GALNT18: variants seen among roughly 807,000 people sequenced by gnomAD.
GALNT18 encodes GalNAc-transferase 18.
A neutral mutation model predicts 69.5 loss-of-function variants in GALNT18; 44 were observed. The ratio of observed to expected loss-of-function variants is 0.63; its 90% CI spans 0.50 to 0.81. The LOEUF (loss-of-function observed/expected upper bound fraction) is 0.81. GALNT18 is among the 40% of genes least tolerant of loss of function. The pLI is 0.00. For synonymous variants in GALNT18, 364 were observed against 318.2 expected (o/e 1.14, Z -1.53); for missense variants, 715 against 810.0 (o/e 0.88, Z 1.42).
chr11:11,391,210 C>T (rs1271542467), intron 3 of GALNT18, among the ~76,000 whole-genome samples: 2 of 152,240 alleles, frequency 1.3e-5, no homozygotes, highest in East Asian at 3.8e-4. Flanking sequence ...ATTTCCAACC[C>T]CTTCCCATCT....
rs150320364 is a variant in GALNT18 at position 11,608,640 on chromosome 11, C to A, written c.235+12719G>T. On this transcript the variant is annotated intron_variant, in intron 1 of 10. Transcript: ENST00000227756. ...CCTCCCAAAGTACTGGGATTACAGG[C>A]GTGAGCCACAGCACCTGGCCGATTG... Among the ~76,000 whole-genome samples, 4 of 152,252 alleles carry A rather than the reference C, an allele frequency of 2.6e-5. No individual in the cohort carries two copies. In the East Asian group the frequency reaches 7.7e-4, roughly 29 times the overall value.
chr11:11,581,649 C>T (rs1379520503), intron 1 of GALNT18, among the ~76,000 whole-genome samples: 1 of 152,044 alleles, frequency 6.6e-6, no homozygotes, highest in Non-Finnish European at 1.5e-5. Context: ...CAGGGGCTGC[C>T]GAGTGGGCAC....
intron 1 of GALNT18, among the ~76,000 whole-genome samples, chr11:11,545,325 A>C (rs975415088): frequency 6.6e-6 from 1 of 152,252 alleles, no homozygotes; most frequent in African/African-American, 2.4e-5. Context: ...GCCTAAACAG[A>C]AGAAAAAAAT....
At chr11:11,515,917 C>T (rs1857263707) in intron 1 of GALNT18, among the ~76,000 whole-genome samples, 1 of 152,198 alleles carries the variant, frequency 6.6e-6, no homozygotes, top group African/African-American at 2.4e-5. Flanking sequence ...AGAGAGGCAA[C>T]TCAGCAAGGA....
At position 11,444,348 on chromosome 11, in the gene GALNT18, C is replaced by A. The variant is rs1415461372; in HGVS notation, c.428+4396G>T. Among the ~76,000 whole-genome samples the A allele has an allele frequency of 6.6e-6, 1 of 152,232 alleles. No homozygotes were observed. Among genetic ancestry groups the A allele is most frequent in the African/African-American group, 2.4e-5 (1 of 41,464 alleles). On this transcript the variant is annotated intron_variant, in intron 2 of 10. Transcript: ENST00000227756. The surrounding 1 kb of genome is among the most constrained non-coding windows in gnomAD (Gnocchi z 4.4). Reference sequence around the variant, plus strand: ...CTGCCTTACTAAAAGCCTGCGAGGACAAGTCCTCCCCGCCACGGAGCCTGG... The same window carrying A: ...CTGCCTTACTAAAAGCCTGCGAGGAAAAGTCCTCCCCGCCACGGAGCCTGG...
chr11:11,535,630 T>C (rs543905499), intron 1 of GALNT18, among the ~76,000 whole-genome samples: 1 of 152,276 alleles, frequency 6.6e-6, no homozygotes, highest in African/African-American at 2.4e-5. Flanking sequence ...CAGGCTGGGC[T>C]CAGATGCCGT....
At chr11:11,355,293 G>A (rs1358374117) in intron 6 of GALNT18, among the ~76,000 whole-genome samples, 1 of 152,160 alleles carries the variant, frequency 6.6e-6, no homozygotes, top group African/African-American at 2.4e-5. Flanking sequence ...CTTACACTGT[G>A]TTTTTTCTGT....
chr11:11,600,199 A>C lies in GALNT18; in HGVS notation c.235+21160T>G, dbSNP rs1859600103. ...AATATACAAATACGTTGTTTTTTAT[A>C]ATGGCTTATATAATTACCTTTAGTG... On this transcript the variant is annotated intron_variant, in intron 1 of 10. Transcript: ENST00000227756. This position sits in a 1 kb window ranked among gnomAD's most constrained non-coding sequence, Gnocchi z 4.8. 6.6e-6 allele frequency among the ~76,000 whole-genome samples: 1 copy of C among 152,080 alleles called. No homozygotes were observed. The highest frequency in any genetic ancestry group is 6.5e-5 in the Admixed American group (1 of 15,272).
intron 9 of GALNT18, among the ~76,000 whole-genome samples, chr11:11,294,659 A>C (rs1421258786): frequency 6.6e-6 from 1 of 151,500 alleles, no homozygotes; most frequent in African/African-American, 2.4e-5. Flanking sequence ...TTAACACATC[A>C]TTTACAAAAG....
chr11:11,588,024 C>G (rs777130615), intron 1 of GALNT18, among the ~76,000 whole-genome samples: 1 of 152,044 alleles, frequency 6.6e-6, no homozygotes, highest in Non-Finnish European at 1.5e-5. Flanking sequence ...GGCTCCTAAC[C>G]CTTTCCCCAA....
intron 3 of GALNT18, among the ~76,000 whole-genome samples, chr11:11,403,073 C>T (rs775921142): frequency 6.6e-6 from 1 of 152,184 alleles, no homozygotes; most frequent in Non-Finnish European, 1.5e-5. Flanking sequence ...AGGACACAGA[C>T]AGGGAACAAA....
At chr11:11,495,592 T>C (rs1335070662) in intron 1 of GALNT18, among the ~76,000 whole-genome samples, 1 of 152,200 alleles carries the variant, frequency 6.6e-6, no homozygotes, top group East Asian at 1.9e-4. Flanking sequence ...GAAAGTCACG[T>C]GTGGCAGCCT....
chr11:11,550,180 C>T (rs187813136), intron 1 of GALNT18, among the ~76,000 whole-genome samples: 2 of 152,352 alleles, frequency 1.3e-5, no homozygotes, highest in East Asian at 3.9e-4. Flanking sequence ...AGAAAACAGG[C>T]ACCAGTTGTC....
chr11:11,427,810 G>A (rs1013816025), intron 3 of GALNT18, among the ~76,000 whole-genome samples: 4 of 152,142 alleles, frequency 2.6e-5, no homozygotes, highest in African/African-American at 9.7e-5. Flanking sequence ...AGTCACCCTT[G>A]GCACCCAGAA....
At chr11:11,275,146 T>C (rs1046619030) in intron 10 of GALNT18, among the ~76,000 whole-genome samples, 20 of 152,372 alleles carry the variant, frequency 1.3e-4, no homozygotes, top group Admixed American at 1.2e-3. Context: ...GTTGAACTAA[T>C]TTACACTCCC....
intron 1 of GALNT18, among the ~76,000 whole-genome samples, chr11:11,464,269 T>C (rs1287236217): frequency 1.3e-5 from 2 of 152,256 alleles, no homozygotes; most frequent in Non-Finnish European, 2.9e-5. Context: ...AAAAAGCCTA[T>C]GCCCAGAAAG....
intron 10 of GALNT18, among the ~76,000 whole-genome samples, chr11:11,281,461 A>G (rs1437456394): frequency 2.6e-5 from 4 of 152,148 alleles, no homozygotes; most frequent in African/African-American, 9.7e-5. Context: ...GCCGCTGCCC[A>G]CTCAGCTGAA....
At chr11:11,572,382 C>CT (rs1475527657) in intron 1 of GALNT18, among the ~76,000 whole-genome samples, 5 of 152,226 alleles carry the variant, frequency 3.3e-5, no homozygotes, top group Admixed American at 2.0e-4. Flanking sequence ...AGATGAAGCA[C>CT]TTTGCCTGAA....
intron 6 of GALNT18, among the ~76,000 whole-genome samples, chr11:11,345,191 A>G (rs12292485): frequency 0.015 from 2,333 of 152,272 alleles, 42 homozygotes; most frequent in African/African-American, 0.046. Context: ...ACTCATCTAT[A>G]GAGAAGGTAA....
Sources: allele counts gnomAD v4.1 joint callset (sites outside exome capture counted in the v4.1 genomes callset), GRCh38; gene constraint gnomAD v4.1.1; non-coding constraint Gnocchi (gnomAD v3.1); transcripts MANE v1.5; gene names NCBI Gene and HGNC (gene_info 2026-07-23, HGNC 2026-07-21).